Variants in DLG2 observed in about 807,000 individuals in gnomAD.
DLG2 encodes disks large homolog 2.
DLG2 carries 45 observed loss-of-function variants against 132.5 expected under a neutral mutation model. The ratio of observed to expected loss-of-function variants is 0.34; its 90% CI spans 0.27 to 0.44. DLG2 has a LOEUF of 0.44. Ranked by LOEUF, DLG2 falls within the 20% of genes least tolerant of loss-of-function variation. The pLI, the probability that DLG2 is intolerant of heterozygous loss-of-function variation, is 1.00. For synonymous variants in DLG2, 424 were observed against 419.6 expected (o/e 1.01, Z -0.13); for missense variants, 1,045 against 1,196.9 (o/e 0.87, Z 1.87).
At chr11:83,932,925 C>T (rs1226828448) in intron 14 of DLG2, among the ~76,000 whole-genome samples, 1 of 152,134 alleles carries the variant, frequency 6.6e-6, no homozygotes, top group Non-Finnish European at 1.5e-5. Flanking sequence ...GGATAGGTTT[C>T]TTGTGCGTTT....
At chr11:85,515,042 G>A (rs982556525) in intron 3 of DLG2, among the ~76,000 whole-genome samples, 1 of 151,850 alleles carries the variant, frequency 6.6e-6, no homozygotes, top group Non-Finnish European at 1.5e-5. Flanking sequence ...AAGGTGGACT[G>A]TCAAGACAAT....
At chr11:84,020,985 C>T (rs1456577503) in intron 11 of DLG2, among the ~76,000 whole-genome samples, 2 of 152,208 alleles carry the variant, frequency 1.3e-5, no homozygotes, top group South Asian at 2.1e-4. Flanking sequence ...AATCAGTAGG[C>T]CTTGGGCAGA....
At chr11:83,654,591 C>A (rs1343321394) in intron 18 of DLG2, among the ~76,000 whole-genome samples, 4 of 152,130 alleles carry the variant, frequency 2.6e-5, no homozygotes, top group African/African-American at 7.2e-5. Flanking sequence ...GACATTCAGG[C>A]ATTTTGATGT....
At chr11:84,193,964 G>A (rs1416665230) in intron 8 of DLG2, among the ~76,000 whole-genome samples, 2 of 152,184 alleles carry the variant, frequency 1.3e-5, no homozygotes, top group Non-Finnish European at 2.9e-5. Flanking sequence ...TATGGAACAT[G>A]CTCAGGAAAT....
At chr11:84,268,322 T>C (rs566248050) in intron 7 of DLG2, among the ~76,000 whole-genome samples, 1 of 152,288 alleles carries the variant, frequency 6.6e-6, no homozygotes, top group South Asian at 2.1e-4. Flanking sequence ...CACTGCAATA[T>C]AGTTTTCTTG....
At chr11:84,744,016 G>A (rs1278102535) in intron 6 of DLG2, among the ~76,000 whole-genome samples, 2 of 152,166 alleles carry the variant, frequency 1.3e-5, no homozygotes, top group Admixed American at 6.5e-5. Context: ...GAGCCACCGT[G>A]CCCGGCCGGA....
At chr11:83,584,632 A>C (rs2097049834) in intron 19 of DLG2, among the ~76,000 whole-genome samples, 1 of 152,224 alleles carries the variant, frequency 6.6e-6, no homozygotes, top group South Asian at 2.1e-4. Context: ...TGTAAATGGA[A>C]GCAAAAATTA....
intron 7 of DLG2, chr11:84,317,109 G>A (rs779948886): frequency 6.2e-6 from 10 of 1,612,646 alleles, no homozygotes; most frequent in Non-Finnish European, 8.5e-6. Context: ...TCGGACCCCC[G>A]GCTGCAGCTG....
chr11:84,852,282 A>G (rs889325047), intron 6 of DLG2, among the ~76,000 whole-genome samples: 8 of 152,056 alleles, frequency 5.3e-5, no homozygotes, highest in Admixed American at 5.3e-4. Context: ...AAGACATGAT[A>G]AGACAATCCA....
At chr11:84,618,342 T>C (rs962380386) in intron 6 of DLG2, among the ~76,000 whole-genome samples, 3 of 152,010 alleles carry the variant, frequency 2.0e-5, no homozygotes, top group Non-Finnish European at 4.4e-5. Flanking sequence ...CTTCCGTCAT[T>C]ACAGCACACA....
chr11:83,673,443 C>A (rs759822999), intron 18 of DLG2, among the ~76,000 whole-genome samples: 1 of 152,172 alleles, frequency 6.6e-6, no homozygotes, highest in African/African-American at 2.4e-5. Context: ...TTAGCTAGTA[C>A]CCTATGGCTC....
chr11:84,570,084 G>A (rs2099475312), intron 6 of DLG2, among the ~76,000 whole-genome samples: 1 of 152,222 alleles, frequency 6.6e-6, no homozygotes, highest in Non-Finnish European at 1.5e-5. Context: ...AAAATAACTA[G>A]GGACCTGTTA....
intron 18 of DLG2, among the ~76,000 whole-genome samples, chr11:83,766,396 C>CTTT (rs35039524): frequency 3.0e-5 from 4 of 132,400 alleles, no homozygotes; most frequent in African/African-American, 2.8e-5. Flanking sequence ...CCTGGCCTGC[C>CTTT]TTTTTTTTTT....
intron 3 of DLG2, among the ~76,000 whole-genome samples, chr11:85,331,377 A>G (rs141051804): frequency 6.6e-6 from 1 of 152,330 alleles, no homozygotes; most frequent in East Asian, 1.9e-4. Flanking sequence ...TAATAAAATC[A>G]TTTAACTTCT....
At chr11:85,149,273 T>C (rs976450641) in intron 5 of DLG2, among the ~76,000 whole-genome samples, 21 of 152,336 alleles carry the variant, frequency 1.4e-4, no homozygotes, top group African/African-American at 5.1e-4. Flanking sequence ...AGTTTTTTTC[T>C]AATTCTGTGA....
chr11:83,484,128 C>G lies in DLG2; in HGVS notation c.2293+1G>C. The G allele has an allele frequency of 6.2e-7, 1 of 1,610,822 alleles. No individual in the cohort carries two copies. The highest frequency in any genetic ancestry group is 8.5e-7 in the Non-Finnish European group (1 of 1,177,396). Reference sequence around the variant, plus strand: ...GACATTATCTTTCAGAATCTACTTACGTTCAGGATCACTGGTTTCCTGCTC... The same window carrying G: ...GACATTATCTTTCAGAATCTACTTAGGTTCAGGATCACTGGTTTCCTGCTC... On this transcript the variant is annotated splice_donor_variant, in intron 22 of 27. Transcript: ENST00000376104. LOFTEE classifies it high-confidence loss of function.
At chr11:85,350,736 T>A (rs925842174) in intron 3 of DLG2, among the ~76,000 whole-genome samples, 13 of 152,218 alleles carry the variant, frequency 8.5e-5, no homozygotes, top group Non-Finnish European at 1.9e-4. Context: ...TGGTATTATT[T>A]CTGAGGCCTC....
intron 6 of DLG2, among the ~76,000 whole-genome samples, chr11:84,685,781 C>CT (rs1467300004): frequency 6.6e-6 from 1 of 152,130 alleles, no homozygotes; most frequent in Non-Finnish European, 1.5e-5. Flanking sequence ...TCTCGGCTCA[C>CT]TGCAAGCTCC....
intron 6 of DLG2, among the ~76,000 whole-genome samples, chr11:84,622,712 A>T (rs890370809): frequency 6.6e-6 from 1 of 152,160 alleles, no homozygotes; most frequent in African/African-American, 2.4e-5. Context: ...AAATGGCATA[A>T]AGAAAACATT....
Sources: gnomAD v4.1 joint callset for allele counts (sites outside exome capture counted in the v4.1 genomes callset) on GRCh38, gnomAD v4.1.1 for gene constraint, MANE v1.5 for transcripts, NCBI Gene and HGNC (gene_info 2026-07-23, HGNC 2026-07-21) for gene names.